The following TRPV6 variants were observed in gnomAD, a reference collection of about 807,000 sequenced individuals.
TRPV6 encodes the protein Alu-binding protein with zinc finger domain.
TRPV6 carries 39 observed loss-of-function variants against 79.0 expected under a neutral mutation model. The observed-to-expected ratio is 0.49, with a 90% CI of 0.38 to 0.64. The LOEUF is 0.64. Among genes scored for constraint, TRPV6 ranks in the 30% least tolerant of loss-of-function variants. TRPV6 has a pLI of 0.00. For missense variants in TRPV6, 813 were observed against 1,011.1 expected (o/e 0.80, Z 2.66); for synonymous variants, 373 against 391.9 (o/e 0.95, Z 0.57).
Position 142,871,236 on chromosome 7 carries a change from T to A in TRPV6, c.*471A>T, listed in dbSNP as rs1343784278. On this transcript the variant is annotated 3_prime_UTR_variant, in exon 15 of 15. Coordinates refer to ENST00000359396, the MANE Select transcript of TRPV6 (RefSeq NM_018646.6). ...GATCCGAAAACGACTTTATTGAAGA[T>A]GGAGTTGGCAAGACCTAGCCCCACT... 1 of 520,054 alleles carries A rather than the reference T, an allele frequency of 1.9e-6. No homozygotes were observed. The highest frequency in any genetic ancestry group is 3.5e-6 in the Non-Finnish European group (1 of 286,502). 32.2% of individuals were successfully genotyped at this position (520,054 alleles called of 1,614,324 possible).
chr7:142,885,225 G>C lies in TRPV6; in HGVS notation c.248+164C>G, dbSNP rs920273942. The C allele has an allele frequency of 9.6e-6, 7 of 728,680 alleles. No homozygotes were observed. The Admixed American group carries it at 1.9e-4, about 19-fold the overall frequency. The allele number at this position is 728,680 out of a possible 1,614,324, so 45.1% of individuals were successfully genotyped here. A position where few individuals can be genotyped will look rare whatever the true frequency, so the allele number is the denominator to read the frequency against. On this transcript the variant is annotated intron_variant, in intron 1 of 14. Transcript: ENST00000359396. The stretch of plus-strand genomic sequence containing the variant: ...CCATCCTCTTTCACCAGCCCTACAG[G>C]CTGAGGCTCTTAAGACAGAATGCTC...
intron 3 of TRPV6, 143 bp from the exon 4 acceptor site, chr7:142,877,422 G>A: frequency 1.4e-6 from 2 of 1,475,336 alleles, no homozygotes; most frequent in Non-Finnish European, 1.8e-6. Flanking sequence ...ATTCCCAGGG[G>A]ATCCAGCTGC....
Position 142,871,565 on chromosome 7 carries a change from C to A in TRPV6, c.*142G>T, listed in dbSNP as rs528804018. 7.8e-6 allele frequency: 8 copies of A among 1,026,628 alleles called. No individual in the cohort carries two copies. The South Asian group carries it at 1.0e-4, about 13-fold the overall frequency. 63.6% of individuals were successfully genotyped at this position (1,026,628 alleles called of 1,614,324 possible). A position where few individuals can be genotyped will look rare whatever the true frequency, so the allele number is the denominator to read the frequency against. On this transcript the variant is annotated 3_prime_UTR_variant, in exon 15 of 15. Coordinates refer to ENST00000359396, the MANE Select transcript of TRPV6 (RefSeq NM_018646.6). ...GCAGGCCTGGAGCAGTGATTCTCAA[C>A]GTACATTCCTTGGCGTTCATGCTAC...
At position 142,876,567 on chromosome 7, in the gene TRPV6, G is replaced by A. The variant is rs1586189649; in HGVS notation, c.723C>T (p.His241=). Reference sequence around the variant, plus strand: ...TTTTGTTGGGCTGGAGGATGAGGATGTGTAACACTGTGTTTCCTGGGGAGG... The same window carrying A: ...TTTTGTTGGGCTGGAGGATGAGGATATGTAACACTGTGTTTCCTGGGGAGG... Residue 241 remains histidine (H), a synonymous_variant, in exon 6 of 15, where the codon CAC becomes CAT. Coordinates refer to ENST00000359396, the MANE Select transcript of TRPV6 (RefSeq NM_018646.6). The A allele has an allele frequency of 1.2e-6, 2 of 1,614,096 alleles. No homozygotes were observed. The highest frequency in any genetic ancestry group is 8.5e-7 in the Non-Finnish European group (1 of 1,179,980).
At chr7:142,879,314 A>G (rs1266838611) in intron 1 of TRPV6, 1 of 152,178 alleles carries the variant, frequency 6.6e-6, no homozygotes, top group Admixed American at 6.5e-5. Context: ...AGGCAAAATT[A>G]TCTTCTCTGA....
chr7:142,871,831 G>C lies in TRPV6; in HGVS notation c.2174C>G (p.Ser725Cys), dbSNP rs1269562879. The change falls in exon 15 of 15, where the codon TCT becomes TGT. Residue 725 changes from serine to cysteine, a missense_variant. Coordinates refer to ENST00000359396, the MANE Select transcript of TRPV6 (RefSeq NM_018646.6). ...GGCACTGCTGCGGGAGGTACTTCGA[G>C]ACACTGAGGGCATAGGAAGGGACAG... 6.2e-7 allele frequency: 1 copy of C among 1,614,082 alleles called. No individual in the cohort carries two copies. Among genetic ancestry groups the C allele is most frequent in the Non-Finnish European group, 8.5e-7 (1 of 1,180,040 alleles).
chr7:142,875,961 G>A (rs1203741464), intron 6 of TRPV6, 57 bp from the exon 7 acceptor site: 7 of 1,518,176 alleles, frequency 4.6e-6, no homozygotes, highest in Non-Finnish European at 6.2e-6. Flanking sequence ...GTCACAGAGT[G>A]TGGATAGGAT....
chr7:142,876,018 A>C (rs768819728), intron 6 of TRPV6, 114 bp from the exon 7 acceptor site: 5 of 1,223,980 alleles, frequency 4.1e-6, no homozygotes, highest in African/African-American at 1.5e-5. Flanking sequence ...CTGCCCTTTC[A>C]TTTTGATGAC....
Position 142,871,212 on chromosome 7 carries a change from A to G in TRPV6, c.*495T>C. The G allele has an allele frequency of 1.8e-6, 1 of 553,320 alleles. No homozygotes were observed. The highest frequency in any genetic ancestry group is 1.9e-5 in the African/African-American group (1 of 53,288). The allele number at this position is 553,320 out of a possible 1,614,324, so 34.3% of individuals were successfully genotyped here. A position where few individuals can be genotyped will look rare whatever the true frequency, so the allele number is the denominator to read the frequency against. On this transcript the variant is annotated 3_prime_UTR_variant, in exon 15 of 15. Coordinates refer to ENST00000359396, the MANE Select transcript of TRPV6 (RefSeq NM_018646.6). The stretch of plus-strand genomic sequence containing the variant: ...GATGCAGAAGGGCAGCTGGGCAGGG[A>G]TCCGAAAACGACTTTATTGAAGATG...
At chr7:142,872,799 A>G (rs2116507005) in intron 13 of TRPV6, among the ~76,000 whole-genome samples, 1 of 152,300 alleles carries the variant, frequency 6.6e-6, no homozygotes, top group East Asian at 1.9e-4. Context: ...ATATCAATAT[A>G]TATTCCTGGA....
intron 3 of TRPV6, 123 bp downstream of exon 3, chr7:142,877,528 A>G (rs1290199038): frequency 2.7e-6 from 4 of 1,498,370 alleles, no homozygotes; most frequent in Non-Finnish European, 3.6e-6. Flanking sequence ...GAGACAGAGA[A>G]GAGAAAAAAA....
chr7:142,883,075 T>C (rs949495334), intron 1 of TRPV6: 12 of 152,202 alleles, frequency 7.9e-5, no homozygotes, highest in African/African-American at 1.4e-4. Context: ...ACTTTGGTCA[T>C]AGGAATGAGA....
intron 11 of TRPV6, 137 bp from the exon 12 acceptor site, chr7:142,874,279 GA>G: frequency 1.7e-6 from 2 of 1,173,824 alleles, no homozygotes; most frequent in Non-Finnish European, 2.5e-6. Context: ...ATGGCCTGTG[GA>G]CCAGATCTAC....
rs4987679 is a variant in TRPV6 at position 142,872,389 on chromosome 7, T to C, written c.1998A>G (p.Gly666=). The change falls in exon 14 of 15, where the codon GGA becomes GGG. Residue 666 remains glycine (G), a synonymous_variant. Transcript: ENST00000359396. ...TCACTCACCGCAGGAACCAGCGGTC[T>C]CCCAGGCCATACTCCCGTCCGCAGA... is the stretch of plus-strand genomic sequence containing the variant. 152,563 of 1,614,014 alleles carry C rather than the reference T, an allele frequency of 0.095. 15,687 individuals carry two copies. The highest frequency in any genetic ancestry group is 0.54 in the African/African-American group (40,636 of 74,964).
Position 142,885,466 on chromosome 7 carries a change from G to C in TRPV6, c.171C>G (p.Ser57Arg). 1 of 1,613,956 alleles carries C rather than the reference G, an allele frequency of 6.2e-7. No homozygotes were observed. The change falls in exon 1 of 15, where the codon AGC becomes AGG. Residue 57 changes from serine to arginine, a missense_variant. By Grantham distance (110) the Ser-to-Arg change is moderately radical. Coordinates refer to ENST00000359396, the MANE Select transcript of TRPV6 (RefSeq NM_018646.6). ...GTCTCTGGAACCATCTGCAGAACTT[G>C]CTCCATAGGCAGAGAATTAGCCCTT...
At chr7:142,876,665 G>C in intron 5 of TRPV6, 74 bp downstream of exon 5, 1 of 1,612,240 alleles carries the variant, frequency 6.2e-7, no homozygotes, top group Non-Finnish European at 8.5e-7. Flanking sequence ...CTTCCTGAAG[G>C]TCCCAGCCCC....
rs145875993 is a variant in TRPV6, at chr7:142,877,754, C to T, written c.366G>A (p.Ala122=). 14 of 1,614,028 alleles carry T rather than the reference C, an allele frequency of 8.7e-6. No individual in the cohort carries two copies. The highest frequency in any genetic ancestry group is 2.2e-5 in the South Asian group (2 of 91,088). The change falls in exon 3 of 15, where the codon GCG becomes GCA. Residue 122 remains alanine (A), a synonymous_variant. Transcript: ENST00000359396. ...TGTCATAGAGGGCTGCTATGTGTAG[C>T]GCTGTTTCCCCCATGGCTCCTGGCA...
At position 142,876,766 on chromosome 7, in the gene TRPV6, C is replaced by T; in HGVS notation, c.679G>A (p.Ala227Thr). Reference sequence around the variant, plus strand: ...AGGGAGTCCTGGGCCCGGATGTCAGCTCCATGCTCAATGAGCAGCCGCACG... The same window carrying T: ...AGGGAGTCCTGGGCCCGGATGTCAGTTCCATGCTCAATGAGCAGCCGCACG... Residue 227 changes from alanine (A) to threonine (T), a missense_variant, in exon 5 of 15, where the codon GCT becomes ACT. By Grantham distance (58) the Ala-to-Thr change is moderately conservative. This residue lies in a region of TRPV6 where 555 missense variants were observed against 631.0 expected (regional missense o/e 0.88). Transcript: ENST00000359396. The T allele has an allele frequency of 6.2e-7, 1 of 1,614,118 alleles. No individual in the cohort carries two copies. The highest frequency in any genetic ancestry group is 8.5e-7 in the Non-Finnish European group (1 of 1,180,016).
At chr7:142,882,541 G>A (rs1450763944) in intron 1 of TRPV6, 2 of 152,164 alleles carry the variant, frequency 1.3e-5, no homozygotes, top group Non-Finnish European at 2.9e-5. Flanking sequence ...GAAGGAAAGA[G>A]CGGTAATGTG....
Sources: allele counts gnomAD v4.1 joint callset (sites outside exome capture counted in the v4.1 genomes callset), GRCh38; gene constraint gnomAD v4.1.1; regional missense constraint gnomAD v4.1.1; transcripts MANE v1.5; gene names NCBI Gene and HGNC (gene_info 2026-07-23, HGNC 2026-07-21).